CA10: variants seen among roughly 807,000 people sequenced by gnomAD.
The protein encoded by CA10 is carbonic anhydrase 10 (inactive).
CA10 carries 14 observed loss-of-function variants against 44.2 expected under a neutral mutation model. That is an observed-to-expected ratio of 0.32 (90% CI 0.21 to 0.50). The LOEUF (loss-of-function observed/expected upper bound fraction) is 0.50. CA10 is among the 20% of genes least tolerant of loss of function. The pLI, the probability that CA10 is intolerant of heterozygous loss-of-function variation, is 0.99. For missense variants in CA10, 350 were observed against 409.7 expected, an observed-to-expected ratio of 0.85 and a Z score of 1.26; for synonymous variants, 159 against 141.6, an observed-to-expected ratio of 1.12 and a Z score of -0.87.
At chr17:51,725,008 C>T (rs1281503180) in intron 4 of CA10, among the ~76,000 whole-genome samples, 1 of 152,196 alleles carries the variant, frequency 6.6e-6, no homozygotes, top group Non-Finnish European at 1.5e-5. Context: ...ATATGCATTC[C>T]TTATAATGAG....
chr17:51,681,330 C>T (rs527437468), intron 4 of CA10, among the ~76,000 whole-genome samples: 10 of 152,302 alleles, frequency 6.6e-5, no homozygotes, highest in South Asian at 6.2e-4. Flanking sequence ...TCAATGAACA[C>T]GAACTGATTT....
At chr17:51,924,525 G>A (rs1403475321) in intron 3 of CA10, among the ~76,000 whole-genome samples, 1 of 152,136 alleles carries the variant, frequency 6.6e-6, no homozygotes, top group East Asian at 1.9e-4. Context: ...TCTTCCGATC[G>A]TCCATTTGGA....
At chr17:51,767,753 C>T (rs2143650052) in intron 3 of CA10, among the ~76,000 whole-genome samples, 1 of 151,512 alleles carries the variant, frequency 6.6e-6, no homozygotes, top group East Asian at 1.9e-4. Flanking sequence ...TAGATGGTCC[C>T]ATCTGGGGGT....
intron 4 of CA10, among the ~76,000 whole-genome samples, chr17:51,723,751 C>T (rs1331147437): frequency 6.6e-6 from 1 of 152,198 alleles, no homozygotes; most frequent in African/African-American, 2.4e-5. Context: ...TTCATGTCTG[C>T]TGCATGCGCT....
intron 1 of CA10, among the ~76,000 whole-genome samples, chr17:52,129,317 A>G (rs1031327415): frequency 5.9e-5 from 9 of 152,038 alleles, no homozygotes. Flanking sequence ...ATATTGCCAT[A>G]CTCTCCTTTA....
At position 52,067,736 on chromosome 17, in the gene CA10, G is replaced by A. The variant is rs150019377; in HGVS notation, c.136+4583C>T. Among the ~76,000 whole-genome samples, 246 of 152,360 alleles carry A rather than the reference G, an allele frequency of 1.6e-3. 2 individuals carry two copies. Among genetic ancestry groups the A allele is most frequent in the African/African-American group, 5.7e-3 (237 of 41,598 alleles). The stretch of plus-strand genomic sequence containing the variant: ...CCTCTTGCATCAGCATGACCTGGAT[G>A]TGATACACAGAGTCAAAGGAGATCA... On this transcript the variant is annotated intron_variant, in intron 2 of 8. Transcript: ENST00000451037.
chr17:51,867,338 A>C (rs1979595509), intron 3 of CA10, among the ~76,000 whole-genome samples: 1 of 152,198 alleles, frequency 6.6e-6, no homozygotes, highest in African/African-American at 2.4e-5. Context: ...GCCTAAATAG[A>C]ATTGGAAATA....
intron 3 of CA10, among the ~76,000 whole-genome samples, chr17:51,847,721 C>T (rs568635530): frequency 2.6e-4 from 40 of 152,242 alleles, no homozygotes; most frequent in African/African-American, 6.0e-4. Context: ...CATTAGGCTT[C>T]ATCTGGTTGG....
At chr17:51,912,775 A>G (rs965367209) in intron 3 of CA10, among the ~76,000 whole-genome samples, 4 of 152,226 alleles carry the variant, frequency 2.6e-5, no homozygotes, top group Non-Finnish European at 5.9e-5. Flanking sequence ...AAGCAACACT[A>G]TCATATTCTA....
At chr17:51,760,766 G>C (rs1205904170) in intron 3 of CA10, among the ~76,000 whole-genome samples, 1 of 152,144 alleles carries the variant, frequency 6.6e-6, no homozygotes, top group African/African-American at 2.4e-5. Flanking sequence ...GAAACAGAAG[G>C]CAAGCTACAT....
chr17:52,025,443 A>G (rs532635059), intron 2 of CA10, among the ~76,000 whole-genome samples: 27 of 152,026 alleles, frequency 1.8e-4, no homozygotes, highest in East Asian at 7.8e-4. Context: ...TCCAAGGAGA[A>G]ACAGCACATA....
intron 3 of CA10, among the ~76,000 whole-genome samples, chr17:51,909,993 C>A (rs956333255): frequency 6.6e-6 from 1 of 152,100 alleles, no homozygotes; most frequent in Non-Finnish European, 1.5e-5. Context: ...TGTTGCCCTG[C>A]ACTGCTTGCT....
At chr17:51,664,666 T>G (rs1030475084) in intron 4 of CA10, among the ~76,000 whole-genome samples, 1 of 151,898 alleles carries the variant, frequency 6.6e-6, no homozygotes, top group African/African-American at 2.4e-5. Flanking sequence ...TAGATGATCA[T>G]GAGACAATTC....
At chr17:51,967,637 T>C (rs1272858050) in intron 2 of CA10, among the ~76,000 whole-genome samples, 1 of 151,438 alleles carries the variant, frequency 6.6e-6, no homozygotes, top group African/African-American at 2.4e-5. Flanking sequence ...GGCCTAAACA[T>C]TGGGTATTTA....
At chr17:51,895,826 C>T (rs546141650) in intron 3 of CA10, among the ~76,000 whole-genome samples, 39 of 151,884 alleles carry the variant, frequency 2.6e-4, no homozygotes, top group Non-Finnish European at 4.9e-4. Flanking sequence ...TTTCTGATTT[C>T]GGCAAGTTTA....
At chr17:51,733,727 G>A (rs944026150) in intron 4 of CA10, among the ~76,000 whole-genome samples, 7 of 152,106 alleles carry the variant, frequency 4.6e-5, no homozygotes, top group South Asian at 2.1e-4. Context: ...TAGGATTCAC[G>A]GAGGAGTTGG....
At chr17:51,703,469 T>C (rs566560558) in intron 4 of CA10, among the ~76,000 whole-genome samples, 78 of 152,218 alleles carry the variant, frequency 5.1e-4, no homozygotes, top group African/African-American at 1.8e-3. Flanking sequence ...ATTCTCTTTG[T>C]TTACAAAATT....
At chr17:52,112,819 G>A (rs1471411281) in intron 1 of CA10, among the ~76,000 whole-genome samples, 2 of 152,106 alleles carry the variant, frequency 1.3e-5, no homozygotes, top group African/African-American at 4.8e-5. Context: ...CCACCCAGAG[G>A]CCCTTCTGCC....
chr17:52,105,908 A>T (rs530817183), intron 1 of CA10, among the ~76,000 whole-genome samples: 1 of 152,240 alleles, frequency 6.6e-6, no homozygotes, highest in Admixed American at 6.5e-5. Flanking sequence ...GAAATATTGC[A>T]TGAAAAGTGT....
Sources: allele counts gnomAD v4.1 joint callset (sites outside exome capture counted in the v4.1 genomes callset), GRCh38; gene constraint gnomAD v4.1.1; transcripts MANE v1.5; gene names NCBI Gene and HGNC (gene_info 2026-07-23, HGNC 2026-07-21).